Variants in TTC29 observed in about 807,000 individuals in gnomAD.
TTC29 encodes the protein tetratricopeptide repeat domain 29, also known as tetratricopeptide repeat protein 29.
A neutral mutation model predicts 58.1 loss-of-function variants in TTC29; 49 were observed. That is an observed-to-expected ratio of 0.84 (90% CI 0.67 to 1.07). The LOEUF is 1.07. TTC29 is among the 50% of genes least tolerant of loss of function. TTC29 has a pLI of 0.00. For missense variants in TTC29, 582 were observed against 555.6 expected, an observed-to-expected ratio of 1.05 and a Z score of -0.48; for synonymous variants, 209 against 196.8, an observed-to-expected ratio of 1.06 and a Z score of -0.52.
intron 8 of TTC29, among the ~76,000 whole-genome samples, chr4:146,837,422 T>C (rs1299372160): frequency 6.6e-6 from 1 of 151,958 alleles, no homozygotes; most frequent in Non-Finnish European, 1.5e-5. Context: ...GGTGATGAAA[T>C]AATCTGTAAA....
intron 8 of TTC29, among the ~76,000 whole-genome samples, chr4:146,866,572 G>A (rs1017166977): frequency 6.6e-6 from 1 of 152,098 alleles, no homozygotes; most frequent in Non-Finnish European, 1.5e-5. Flanking sequence ...CAAGAGAAGT[G>A]TGCATCTGGT....
chr4:146,892,384 C>A (rs1287812557), intron 6 of TTC29, among the ~76,000 whole-genome samples: 1 of 152,126 alleles, frequency 6.6e-6, no homozygotes, highest in East Asian at 1.9e-4. Context: ...TCAACATACG[C>A]AAATCAATAA....
chr4:146,891,538 G>A (rs1453911118), intron 6 of TTC29, among the ~76,000 whole-genome samples: 3 of 152,250 alleles, frequency 2.0e-5, no homozygotes, highest in South Asian at 4.1e-4. Flanking sequence ...GACAGAAAAT[G>A]TTGAAACCAT....
chr4:146,884,686 C>A (rs780449755), intron 6 of TTC29, among the ~76,000 whole-genome samples: 1 of 151,994 alleles, frequency 6.6e-6, no homozygotes, highest in Non-Finnish European at 1.5e-5. Flanking sequence ...TCCCAAGGAA[C>A]TTGCTTAGTT....
chr4:146,823,221 GT>G (rs1196461099), intron 9 of TTC29, among the ~76,000 whole-genome samples: 5 of 152,140 alleles, frequency 3.3e-5, no homozygotes, highest in African/African-American at 1.2e-4. Context: ...TACTTCTAGG[GT>G]TTTTATGGTT....
At chr4:146,811,650 TA>T in intron 10 of TTC29, among the ~76,000 whole-genome samples, 1 of 152,174 alleles carries the variant, frequency 6.6e-6, no homozygotes, top group Non-Finnish European at 1.5e-5. Context: ...GAAATGAACA[TA>T]AAAACAACAC....
intron 4 of TTC29, among the ~76,000 whole-genome samples, chr4:146,931,188 A>C (rs988545112): frequency 6.6e-6 from 1 of 152,154 alleles, no homozygotes; most frequent in Non-Finnish European, 1.5e-5. Flanking sequence ...ACAAAAAAAA[A>C]AGTCCCCTCA....
At chr4:146,865,777 A>G (rs751002466) in intron 8 of TTC29, among the ~76,000 whole-genome samples, 44 of 152,338 alleles carry the variant, frequency 2.9e-4, no homozygotes, top group Non-Finnish European at 5.6e-4. Context: ...AAAAGAGGTT[A>G]ATATGGGAGG....
intron 6 of TTC29, among the ~76,000 whole-genome samples, chr4:146,893,612 C>T (rs1232476061): frequency 1.3e-5 from 2 of 152,160 alleles, no homozygotes; most frequent in Non-Finnish European, 2.9e-5. Context: ...CCATTCAGGA[C>T]ACAGGCATGG....
Position 146,803,605 on chromosome 4 carries a change from A to T in TTC29, c.1182T>A (p.Asp394Glu), listed in dbSNP as rs1443244656. ...TVELMSMPLM[D>E]ETKVHYGIAK... ...CTATTCCATAGTGAACTTTTGTCTCATCCATCAGAGGCATGCTCATTAGCT... is the reference window on the plus strand; with the variant it reads ...CTATTCCATAGTGAACTTTTGTCTCTTCCATCAGAGGCATGCTCATTAGCT... The change falls in exon 11 of 13, where the codon GAT becomes GAA. Residue 394 changes from aspartate (D) to glutamate (E), a missense_variant. Physicochemically the swap from Asp to Glu is conservative, Grantham distance 45 (BLOSUM62 2). Coordinates refer to ENST00000325106, the MANE Select transcript of TTC29 (RefSeq NM_031956.4). The T allele has an allele frequency of 6.2e-7, 1 of 1,609,398 alleles. No individual in the cohort carries two copies. Among genetic ancestry groups the T allele is most frequent in the Non-Finnish European group, 8.5e-7 (1 of 1,177,600 alleles).
intron 4 of TTC29, among the ~76,000 whole-genome samples, chr4:146,913,273 T>C (rs554172552): frequency 1.3e-5 from 2 of 152,138 alleles, no homozygotes; most frequent in African/African-American, 4.8e-5. Context: ...ATGATACAAA[T>C]AAATGCTAGA....
intron 11 of TTC29, among the ~76,000 whole-genome samples, chr4:146,743,817 C>T (rs991000086): frequency 6.6e-6 from 1 of 152,316 alleles, no homozygotes; most frequent in Non-Finnish European, 1.5e-5. Flanking sequence ...GCTCCATGAG[C>T]AATGTGTGAA....
intron 11 of TTC29, among the ~76,000 whole-genome samples, chr4:146,781,166 C>A (rs1227383747): frequency 6.6e-6 from 1 of 151,868 alleles, no homozygotes; most frequent in East Asian, 1.9e-4. Flanking sequence ...ATACACCTGT[C>A]AGTATAGTGT....
At chr4:146,734,423 C>T (rs983462149) in intron 11 of TTC29, among the ~76,000 whole-genome samples, 1 of 152,032 alleles carries the variant, frequency 6.6e-6, no homozygotes, top group Non-Finnish European at 1.5e-5. Context: ...ATAATAAAAC[C>T]GGTAAACATT....
chr4:146,799,442 A>T (rs1420830492), intron 11 of TTC29, among the ~76,000 whole-genome samples: 2 of 152,184 alleles, frequency 1.3e-5, no homozygotes, highest in African/African-American at 4.8e-5. Context: ...TTACAAAAAC[A>T]TGACTCAATA....
intron 11 of TTC29, among the ~76,000 whole-genome samples, chr4:146,740,430 A>C (rs1054087648): frequency 6.6e-6 from 1 of 152,082 alleles, no homozygotes; most frequent in Non-Finnish European, 1.5e-5. Flanking sequence ...CTTTTTTTTA[A>C]AATTTATTTA....
chr4:146,748,156 G>T (rs148974964), intron 11 of TTC29, among the ~76,000 whole-genome samples: 1 of 152,202 alleles, frequency 6.6e-6, no homozygotes, highest in Middle Eastern at 3.2e-3. Flanking sequence ...TGGCAGCTGT[G>T]CCTTGCTCTG....
At chr4:146,800,086 C>T (rs1220304932) in intron 11 of TTC29, among the ~76,000 whole-genome samples, 4 of 152,216 alleles carry the variant, frequency 2.6e-5, no homozygotes, top group African/African-American at 9.6e-5. Flanking sequence ...TTCTAAATCC[C>T]TAAGTTTGGG....
chr4:146,912,059 T>G (rs1733933640), intron 4 of TTC29, among the ~76,000 whole-genome samples: 1 of 152,160 alleles, frequency 6.6e-6, no homozygotes, highest in Non-Finnish European at 1.5e-5. Flanking sequence ...AAGAATTGCC[T>G]TGGGCCACAC....
Sources: gnomAD v4.1 joint callset for allele counts (sites outside exome capture counted in the v4.1 genomes callset) on GRCh38, gnomAD v4.1.1 for gene constraint, MANE v1.5 for transcripts, NCBI Gene and HGNC (gene_info 2026-07-23, HGNC 2026-07-21) for gene names.